Variants in TLN2 observed in about 807,000 individuals in gnomAD.
TLN2 encodes talin-2.
TLN2 carries 118 observed loss-of-function variants against 294.7 expected under a neutral mutation model. The ratio of observed to expected loss-of-function variants is 0.40; its 90% CI spans 0.34 to 0.47. The LOEUF (loss-of-function observed/expected upper bound fraction) is 0.47. Among genes scored for constraint, TLN2 ranks in the 20% least tolerant of loss-of-function variants. The probability of loss-of-function intolerance (pLI) is 0.84; values close to 1 mark genes in which losing one functional copy is unlikely to be tolerated. For synonymous variants in TLN2, 1,431 were observed against 1,304.5 expected (o/e 1.10, Z -2.09); for missense variants, 3,083 against 3,282.2 (o/e 0.94, Z 1.48).
intron 1 of TLN2, among the ~76,000 whole-genome samples, chr15:62,415,729 G>A (rs762902921): frequency 3.4e-4 from 51 of 152,162 alleles, no homozygotes; most frequent in East Asian, 1.9e-4. Context: ...GCTCACGGTC[G>A]CTGGGTCTGC....
chr15:62,667,170 G>T (rs559195830), intron 9 of TLN2, among the ~76,000 whole-genome samples: 63 of 152,230 alleles, frequency 4.1e-4, no homozygotes, highest in East Asian at 3.7e-3. Flanking sequence ...GTTTCACCAT[G>T]TTAGCCAGGA....
intron 1 of TLN2, among the ~76,000 whole-genome samples, chr15:62,485,952 C>A (rs1489671481): frequency 6.6e-6 from 1 of 151,836 alleles, no homozygotes; most frequent in Admixed American, 6.6e-5. Context: ...TGGTGCAAAT[C>A]GAGTGTTTTG....
chr15:62,580,551 T>C (rs114881198), intron 1 of TLN2, among the ~76,000 whole-genome samples: 1 of 152,138 alleles, frequency 6.6e-6, no homozygotes, highest in African/African-American at 2.4e-5. Context: ...GCCGGTACTA[T>C]AGGCGCATAC....
intron 34 of TLN2, among the ~76,000 whole-genome samples, chr15:62,751,501 A>G (rs8030829): frequency 0.23 from 34,360 of 152,200 alleles, 3,968 homozygotes; most frequent in East Asian, 0.28. Flanking sequence ...TATCTAAGCA[A>G]TTTTAGGGAA....
chr15:62,822,395 G>A (rs896341580), intron 54 of TLN2, among the ~76,000 whole-genome samples: 5 of 152,214 alleles, frequency 3.3e-5, no homozygotes, highest in Non-Finnish European at 7.3e-5. Context: ...ACTGGCCCCT[G>A]AAGAAAGAAA....
chr15:62,453,998 C>T (rs2036314042), intron 1 of TLN2, among the ~76,000 whole-genome samples: 2 of 152,094 alleles, frequency 1.3e-5, no homozygotes. Context: ...AGTGGCTGAC[C>T]CCTGGCCACC....
intron 1 of TLN2, among the ~76,000 whole-genome samples, chr15:62,577,664 T>A (rs1048493267): frequency 3.3e-5 from 5 of 152,080 alleles, no homozygotes; most frequent in Non-Finnish European, 5.9e-5. Flanking sequence ...ATGATGATGT[T>A]TTCTTTGTTT....
In TLN2 at chr15:62,843,501, C is replaced by T. The variant is rs2070909365; in HGVS notation, c.*2891C>T. 1 of 152,244 alleles carries T rather than the reference C, an allele frequency of 6.6e-6. No homozygotes were observed. The highest frequency in any genetic ancestry group is 6.5e-5 in the Admixed American group (1 of 15,288). The allele number at this position is 152,244 out of a possible 1,614,324, so 9.4% of individuals were successfully genotyped here. A position where few individuals can be genotyped will look rare whatever the true frequency, so the allele number is the denominator to read the frequency against. ...GGCCCTGCAGTCGGTCAACACAGTC[C>T]CTCCAGGTCGGCTGCAGAGGCAGCT... is the stretch of plus-strand genomic sequence containing the variant. On this transcript the variant is annotated 3_prime_UTR_variant, in exon 59 of 59. Transcript: ENST00000636159.
At chr15:62,459,011 CT>C (rs1308915711) in intron 1 of TLN2, among the ~76,000 whole-genome samples, 3 of 148,258 alleles carry the variant, frequency 2.0e-5, no homozygotes, top group Non-Finnish European at 4.5e-5. Flanking sequence ...TTTTTTTTTT[CT>C]TTTTTTGGAG....
intron 1 of TLN2, among the ~76,000 whole-genome samples, chr15:62,459,040 C>T (rs539142162): frequency 5.3e-5 from 8 of 151,790 alleles, no homozygotes; most frequent in Middle Eastern, 3.4e-3. Flanking sequence ...CTCACTCTGT[C>T]GCCAGGCTGG....
chr15:62,686,602 C>T, intron 11 of TLN2, 39 bp from the exon 12 acceptor site: 1 of 1,585,492 alleles, frequency 6.3e-7, no homozygotes, highest in South Asian at 1.2e-5. Flanking sequence ...CAGATGTATT[C>T]AGAAGAAGAG....
chr15:62,756,513 T>G (rs745324030), intron 37 of TLN2, among the ~76,000 whole-genome samples: 1 of 152,128 alleles, frequency 6.6e-6, no homozygotes, highest in Non-Finnish European at 1.5e-5. Flanking sequence ...AGCCCCAGCC[T>G]TCAAAGGAGC....
intron 42 of TLN2, among the ~76,000 whole-genome samples, chr15:62,773,147 C>T (rs960146492): frequency 8.7e-5 from 12 of 138,310 alleles, no homozygotes; most frequent in African/African-American, 3.0e-4. Flanking sequence ...GATGGGGTCT[C>T]GCCATGTTGC....
At chr15:62,717,755 G>A (rs1054450822) in intron 24 of TLN2, 66 bp downstream of exon 24, 16 of 1,167,842 alleles carry the variant, frequency 1.4e-5, no homozygotes, top group Non-Finnish European at 1.9e-5. Context: ...AGAACACCAA[G>A]TCCCCTGGTA....
intron 54 of TLN2, among the ~76,000 whole-genome samples, chr15:62,821,196 G>A (rs2067535628): frequency 6.6e-6 from 1 of 152,240 alleles, no homozygotes; most frequent in African/African-American, 2.4e-5. Flanking sequence ...CAGGAGGAAG[G>A]ACACTTTCTA....
chr15:62,634,452 C>T (rs909188600), intron 3 of TLN2, among the ~76,000 whole-genome samples: 4 of 152,180 alleles, frequency 2.6e-5, no homozygotes, highest in East Asian at 1.9e-4. Flanking sequence ...ATACAACAAA[C>T]GTGACAGTAT....
At chr15:62,549,961 T>C (rs1218121372) in intron 1 of TLN2, among the ~76,000 whole-genome samples, 1 of 151,924 alleles carries the variant, frequency 6.6e-6, no homozygotes, top group Non-Finnish European at 1.5e-5. Context: ...GGGAATGTGG[T>C]CTGGGCAACA....
intron 1 of TLN2, among the ~76,000 whole-genome samples, chr15:62,534,072 G>C (rs775749918): frequency 7.9e-5 from 12 of 152,140 alleles, no homozygotes; most frequent in Non-Finnish European, 1.6e-4. Context: ...AGATCCAGTA[G>C]GAGCCTGAGG....
At chr15:62,687,276 T>TA (rs1217860242) in intron 12 of TLN2, among the ~76,000 whole-genome samples, 1 of 152,212 alleles carries the variant, frequency 6.6e-6, no homozygotes, top group Non-Finnish European at 1.5e-5. Flanking sequence ...ATAGTATTAT[T>TA]ATAGAAATCC....
Sources: allele counts gnomAD v4.1 joint callset (sites outside exome capture counted in the v4.1 genomes callset), GRCh38; gene constraint gnomAD v4.1.1; transcripts MANE v1.5; gene names NCBI Gene and HGNC (gene_info 2026-07-23, HGNC 2026-07-21).